The following TTLL5 variants were observed in gnomAD, a reference collection of about 807,000 sequenced individuals.
The protein encoded by TTLL5 is tubulin tyrosine ligase like 5.
Under a neutral mutation model 168.4 loss-of-function variants are expected in TTLL5, and 132 were observed. The ratio of observed to expected loss-of-function variants is 0.78; its 90% CI spans 0.68 to 0.91. The LOEUF is 0.91. TTLL5 is among the 40% of genes least tolerant of loss of function. The probability of loss-of-function intolerance (pLI) is 0.00; values close to 1 mark genes in which losing one functional copy is unlikely to be tolerated. For missense variants in TTLL5, 1,545 were observed against 1,581.5 expected, an observed-to-expected ratio of 0.98 and a Z score of 0.39; for synonymous variants, 546 against 558.6, an observed-to-expected ratio of 0.98 and a Z score of 0.32.
intron 28 of TTLL5, among the ~76,000 whole-genome samples, chr14:75,840,484 G>A (rs1273808882): frequency 6.6e-6 from 1 of 151,520 alleles, no homozygotes; most frequent in Admixed American, 6.6e-5. Context: ...GAGAACATGC[G>A]GTGTTTGGCT....
Position 75,902,168 on chromosome 14 carries a change from A to G in TTLL5, c.3767A>G (p.Asn1256Ser), listed in dbSNP as rs1347925943. The part of the protein sequence containing the change: ...SKGSSAEGQL[N>S]GLQSSLNPAA... ...GGGTCCTCCGCGGAAGGGCAGCTGA[A>G]TGGACTCCAGAGCAGCCTTAACCCT... The change falls in exon 31 of 32, where the codon AAT becomes AGT. Residue 1256 changes from asparagine to serine, a missense_variant. Asn to Ser is a conservative substitution (Grantham distance 46). Coordinates refer to ENST00000298832, the MANE Select transcript of TTLL5 (RefSeq NM_015072.5). The G allele has an allele frequency of 5.0e-6, 8 of 1,614,000 alleles. No homozygotes were observed. The highest frequency in any genetic ancestry group is 6.8e-6 in the Non-Finnish European group (8 of 1,180,020).
chr14:75,902,250 A>G, intron 31 of TTLL5, 26 bp downstream of exon 31: 2 of 1,611,426 alleles, frequency 1.2e-6, no homozygotes, highest in South Asian at 1.1e-5. Context: ...CTCTTCTGCA[A>G]CTGGATAGAT....
chr14:75,708,657 TG>T (rs1348974997), intron 9 of TTLL5, among the ~76,000 whole-genome samples: 1 of 152,200 alleles, frequency 6.6e-6, no homozygotes, highest in Non-Finnish European at 1.5e-5. Flanking sequence ...TAAGGTAATG[TG>T]ACTTACAAGA....
At chr14:75,762,746 A>T (rs577775043) in intron 18 of TTLL5, among the ~76,000 whole-genome samples, 4 of 152,198 alleles carry the variant, frequency 2.6e-5, no homozygotes, top group Non-Finnish European at 5.9e-5. Flanking sequence ...TAGCTTCTCC[A>T]TATCTGTGAG....
chr14:75,798,889 G>A (rs1893134363), intron 27 of TTLL5, among the ~76,000 whole-genome samples: 1 of 152,070 alleles, frequency 6.6e-6, no homozygotes, highest in Non-Finnish European at 1.5e-5. Context: ...CTATCTTGTG[G>A]TCTATCTTGG....
chr14:75,932,690 G>A (rs2034313558), intron 31 of TTLL5, among the ~76,000 whole-genome samples: 1 of 152,152 alleles, frequency 6.6e-6, no homozygotes, highest in Non-Finnish European at 1.5e-5. Flanking sequence ...ACTCTGAAGC[G>A]ATTTAGTTAA....
At chr14:75,742,211 C>G (rs1343478536) in intron 15 of TTLL5, among the ~76,000 whole-genome samples, 1 of 151,990 alleles carries the variant, frequency 6.6e-6, no homozygotes, top group Non-Finnish European at 1.5e-5. Flanking sequence ...AATAAAGATA[C>G]CTATTTTTAT....
chr14:75,885,445 T>C (rs2032064578), intron 30 of TTLL5, among the ~76,000 whole-genome samples: 1 of 152,102 alleles, frequency 6.6e-6, no homozygotes, highest in African/African-American at 2.4e-5. Flanking sequence ...TGAGCCGAGA[T>C]CGTACCACTG....
intron 28 of TTLL5, among the ~76,000 whole-genome samples, chr14:75,827,824 G>A (rs567224489): frequency 7.2e-6 from 1 of 139,024 alleles, no homozygotes; most frequent in Non-Finnish European, 1.5e-5. Context: ...AGGCTCAAGC[G>A]ATCCTCCCTC....
At chr14:75,803,290 G>A (rs1468274642) in intron 27 of TTLL5, 2 of 152,194 alleles carry the variant, frequency 1.3e-5, no homozygotes, top group East Asian at 1.9e-4. Context: ...CCAAAAATTT[G>A]ATGATAAAAC....
intron 15 of TTLL5, among the ~76,000 whole-genome samples, chr14:75,743,484 T>A (rs1180593476): frequency 6.6e-6 from 1 of 152,104 alleles, no homozygotes. Context: ...TAGGTCTCCA[T>A]TTTGTTGTAT....
intron 31 of TTLL5, among the ~76,000 whole-genome samples, chr14:75,924,666 G>A (rs1003863217): frequency 6.6e-6 from 1 of 151,922 alleles, no homozygotes; most frequent in Non-Finnish European, 1.5e-5. Context: ...AAAATGAAAA[G>A]TCTCCCATGA....
At chr14:75,856,663 G>C (rs758267678) in intron 28 of TTLL5, among the ~76,000 whole-genome samples, 63 of 109,112 alleles carry the variant, frequency 5.8e-4, no homozygotes, top group Non-Finnish European at 9.7e-4. Flanking sequence ...GTCTCTCTCT[G>C]TTGCCCAGGC....
At chr14:75,699,466 A>G (rs1057488522) in intron 7 of TTLL5, among the ~76,000 whole-genome samples, 196 bp downstream of exon 7, 4 of 152,150 alleles carry the variant, frequency 2.6e-5, no homozygotes, top group Non-Finnish European at 5.9e-5. Flanking sequence ...ACCAGCAGTT[A>G]CTCCATGGCT....
In TTLL5 at chr14:75,700,768, C is replaced by T. The variant is rs78055293; in HGVS notation, c.585+1498C>T. ...CTTGGTCTCTCACTCTGCCTTATGC[C>T]CTCAGACAAATTCTTTCCTGCAAGG... On this transcript the variant is annotated intron_variant, in intron 7 of 31. Coordinates refer to ENST00000298832, the MANE Select transcript of TTLL5 (RefSeq NM_015072.5). Among the ~76,000 whole-genome samples, 447 of 152,196 alleles carry T rather than the reference C, an allele frequency of 2.9e-3. 4 individuals carry two copies. The highest frequency in any genetic ancestry group is 0.013 in the South Asian group (63 of 4,806).
intron 12 of TTLL5, among the ~76,000 whole-genome samples, chr14:75,727,374 A>G (rs1003485702): frequency 1.3e-5 from 2 of 152,260 alleles, no homozygotes; most frequent in African/African-American, 4.8e-5. Context: ...GGAACGAACT[A>G]TATTATTGGT....
At chr14:75,681,357 C>T (rs1206143892) in intron 3 of TTLL5, among the ~76,000 whole-genome samples, 188 bp from the exon 4 acceptor site, 1 of 152,154 alleles carries the variant, frequency 6.6e-6, no homozygotes, top group African/African-American at 2.4e-5. Context: ...TTTCCCCCAT[C>T]TATGTCTAAT....
intron 6 of TTLL5, among the ~76,000 whole-genome samples, chr14:75,695,776 T>C (rs112141606): frequency 0.02 from 3,047 of 151,266 alleles, 92 homozygotes; most frequent in African/African-American, 0.058. Flanking sequence ...TGTCTCCAGA[T>C]GGCTTTGACC....
chr14:75,662,072 G>A (rs2140071293), intron 1 of TTLL5, among the ~76,000 whole-genome samples: 1 of 152,250 alleles, frequency 6.6e-6, no homozygotes. Flanking sequence ...TTTTAAGTTA[G>A]AAATGCAGTG....
Sources: gnomAD v4.1 joint callset for allele counts (sites outside exome capture counted in the v4.1 genomes callset) on GRCh38, gnomAD v4.1.1 for gene constraint, MANE v1.5 for transcripts, NCBI Gene and HGNC (gene_info 2026-07-23, HGNC 2026-07-21) for gene names.